HS3ST4: variants seen among roughly 807,000 people sequenced by gnomAD.
HS3ST4 encodes the protein heparan sulfate glucosamine 3-O-sulfotransferase 4.
In HS3ST4, 17 loss-of-function variants were observed where a neutral mutation model predicts 29.2. The ratio of observed to expected loss-of-function variants is 0.58; its 90% CI spans 0.40 to 0.87. HS3ST4 has a LOEUF of 0.87. Among genes scored for constraint, HS3ST4 ranks in the 40% least tolerant of loss-of-function variants. The pLI, the probability that HS3ST4 is intolerant of heterozygous loss-of-function variation, is 0.00. For missense variants in HS3ST4, 627 were observed against 634.5 expected (o/e 0.99, Z 0.13); for synonymous variants, 314 against 285.7 (o/e 1.10, Z -1.00).
At position 26,028,164 on chromosome 16, in the gene HS3ST4, C is replaced by G. The variant is rs776080851; in HGVS notation, c.735-107448C>G. 3.3e-5 allele frequency among the ~76,000 whole-genome samples: 5 copies of G among 149,312 alleles called. No homozygotes were observed. In the Admixed American group the frequency reaches 3.4e-4, roughly 10 times the overall value. On this transcript the variant is annotated intron_variant, in intron 1 of 1. Coordinates refer to ENST00000331351, the MANE Select transcript of HS3ST4 (RefSeq NM_006040.3). ...AGCAGGCGCCTGTAATCTCAGCTAC[C>G]TGGGAGGCTGAGGCAAGAGAATTGC...
intron 1 of HS3ST4, among the ~76,000 whole-genome samples, chr16:25,777,585 A>G (rs1045930001): frequency 2.0e-5 from 3 of 152,168 alleles, no homozygotes; most frequent in Admixed American, 6.5e-5. Flanking sequence ...CCTGGCCAAC[A>G]TGGCGAAAAA....
chr16:25,822,386 C>T lies in HS3ST4; in HGVS notation c.734+129235C>T, dbSNP rs889044659. On this transcript the variant is annotated intron_variant, in intron 1 of 1. Coordinates refer to ENST00000331351, the MANE Select transcript of HS3ST4 (RefSeq NM_006040.3). ...CTCCAAAACGCCTCACCTCTTAATA[C>T]TACCACCTCGGGGAGTTGGATTTCA... Among the ~76,000 whole-genome samples the T allele has an allele frequency of 2.0e-5, 3 of 152,168 alleles. No homozygotes were observed. The South Asian group carries it at 6.2e-4, about 32-fold the overall frequency.
At chr16:26,083,544 T>C (rs1360679458) in intron 1 of HS3ST4, among the ~76,000 whole-genome samples, 1 of 152,190 alleles carries the variant, frequency 6.6e-6, no homozygotes, top group Non-Finnish European at 1.5e-5. Context: ...GAGGTCTTTG[T>C]CACAGCTACT....
chr16:25,890,143 A>T (rs758129121), intron 1 of HS3ST4, among the ~76,000 whole-genome samples: 38 of 152,194 alleles, frequency 2.5e-4, no homozygotes, highest in Non-Finnish European at 5.1e-4. Flanking sequence ...TCCTATTATT[A>T]TATTATTATT....
intron 1 of HS3ST4, among the ~76,000 whole-genome samples, chr16:25,868,541 A>G (rs962214043): frequency 6.6e-5 from 10 of 152,162 alleles, no homozygotes; most frequent in Non-Finnish European, 1.3e-4. Context: ...ACCACTGTTT[A>G]AATTGGAGAA....
chr16:26,053,549 A>G (rs538887691), intron 1 of HS3ST4, among the ~76,000 whole-genome samples: 1 of 152,224 alleles, frequency 6.6e-6, no homozygotes, highest in Non-Finnish European at 1.5e-5. Flanking sequence ...CAAATTTAAG[A>G]CTTCAGGAAG....
chr16:25,828,470 G>T (rs1967259197), intron 1 of HS3ST4, among the ~76,000 whole-genome samples: 1 of 151,254 alleles, frequency 6.6e-6, no homozygotes, highest in Admixed American at 6.6e-5. Flanking sequence ...CCTGCCAAGT[G>T]GCTGGGACTA....
intron 1 of HS3ST4, among the ~76,000 whole-genome samples, chr16:25,885,041 C>T (rs7200206): frequency 0.2 from 30,653 of 152,060 alleles, 3,880 homozygotes; most frequent in Non-Finnish European, 0.3. Flanking sequence ...ATAAAAATGA[C>T]GAGCATAACC....
At chr16:25,898,537 A>T (rs1968092707) in intron 1 of HS3ST4, among the ~76,000 whole-genome samples, 1 of 152,240 alleles carries the variant, frequency 6.6e-6, no homozygotes, top group South Asian at 2.1e-4. Flanking sequence ...CACGTATGCC[A>T]TATGTATGCA....
chr16:26,064,341 G>C (rs770237830), intron 1 of HS3ST4, among the ~76,000 whole-genome samples: 5 of 152,144 alleles, frequency 3.3e-5, no homozygotes, highest in African/African-American at 1.2e-4. Flanking sequence ...AATGTCCAAG[G>C]TGCTTAGGGT....
intron 1 of HS3ST4, among the ~76,000 whole-genome samples, chr16:26,068,191 C>T (rs1898562686): frequency 6.6e-6 from 1 of 152,184 alleles, no homozygotes; most frequent in Admixed American, 6.5e-5. Flanking sequence ...TCTTAATTCA[C>T]ATTTACTGAG....
chr16:25,888,266 T>C (rs1967974921), intron 1 of HS3ST4, among the ~76,000 whole-genome samples: 1 of 152,170 alleles, frequency 6.6e-6, no homozygotes, highest in African/African-American at 2.4e-5. Flanking sequence ...CAAAAGGTAT[T>C]GGATCTTGGA....
At chr16:26,066,585 A>G (rs1898544927) in intron 1 of HS3ST4, among the ~76,000 whole-genome samples, 1 of 152,130 alleles carries the variant, frequency 6.6e-6, no homozygotes, top group East Asian at 1.9e-4. Flanking sequence ...GAGCATCTGC[A>G]AGAAACCTGG....
intron 1 of HS3ST4, among the ~76,000 whole-genome samples, chr16:25,773,893 C>A (rs980652439): frequency 6.6e-6 from 1 of 152,086 alleles, no homozygotes; most frequent in Non-Finnish European, 1.5e-5. Context: ...ATAGAGTGAC[C>A]TGTCCCTTTA....
chr16:25,820,572 TTTGTTGTTG>T (rs142376636), intron 1 of HS3ST4, among the ~76,000 whole-genome samples: 2 of 151,032 alleles, frequency 1.3e-5, no homozygotes, highest in South Asian at 2.1e-4. Context: ...TAATACAAGT[TTTGTTGTTG>T]TTGTTGTTGT....
chr16:26,089,782 C>T (rs1169350170), intron 1 of HS3ST4, among the ~76,000 whole-genome samples: 1 of 152,216 alleles, frequency 6.6e-6, no homozygotes, highest in African/African-American at 2.4e-5. Context: ...ATATAGCACA[C>T]ATGGGCTCGT....
At chr16:25,827,378 A>G (rs75677193) in intron 1 of HS3ST4, among the ~76,000 whole-genome samples, 1,621 of 152,288 alleles carry the variant, frequency 0.011, 37 homozygotes, top group African/African-American at 0.037. Flanking sequence ...GCAGGTGTCT[A>G]TGACCCAGGC....
chr16:25,917,809 G>C (rs1968307101), intron 1 of HS3ST4, among the ~76,000 whole-genome samples: 1 of 152,192 alleles, frequency 6.6e-6, no homozygotes. Flanking sequence ...ATCTGCAACT[G>C]TTTCCTTTTG....
At chr16:25,752,238 T>C (rs527797844) in intron 1 of HS3ST4, among the ~76,000 whole-genome samples, 2 of 152,202 alleles carry the variant, frequency 1.3e-5, no homozygotes, top group Admixed American at 6.5e-5. Flanking sequence ...TAGCTTTAGA[T>C]AAGTTTCACA....
Sources: allele counts gnomAD v4.1 joint callset (sites outside exome capture counted in the v4.1 genomes callset), GRCh38; gene constraint gnomAD v4.1.1; transcripts MANE v1.5; gene names NCBI Gene and HGNC (gene_info 2026-07-23, HGNC 2026-07-21).